Variants in MGMT observed in about 807,000 individuals in gnomAD.
MGMT encodes the protein methylated-DNA--protein-cysteine methyltransferase.
Under a neutral mutation model 15.9 loss-of-function variants are expected in MGMT, and 14 were observed. That is an observed-to-expected ratio of 0.88 (90% CI 0.58 to 1.37). MGMT has a LOEUF of 1.37. Among genes scored for constraint, MGMT ranks in the 40% most tolerant of loss-of-function variants. MGMT has a pLI of 0.00. For missense variants in MGMT, 282 were observed against 268.1 expected (o/e 1.05, Z -0.36); for synonymous variants, 130 against 118.2 (o/e 1.10, Z -0.65).
In MGMT at chr10:129,770,427, A is replaced by G. The variant is rs1848987592; in HGVS notation, c.*3430A>G. Among the ~76,000 whole-genome samples, 1 of 152,174 alleles carries G rather than the reference A, an allele frequency of 6.6e-6. No individual in the cohort carries two copies. The highest frequency in any genetic ancestry group is 1.5e-5 in the Non-Finnish European group (1 of 68,024). Reference sequence around the variant, plus strand: ...GAAATGCATTTACGGATGTTGCTGTATCCCCTGACCTGGCCTACAAGGACA... The same window carrying G: ...GAAATGCATTTACGGATGTTGCTGTGTCCCCTGACCTGGCCTACAAGGACA... On this transcript the variant is annotated 3_prime_UTR_variant, in exon 5 of 5. Coordinates refer to ENST00000651593, the MANE Select transcript of MGMT (RefSeq NM_002412.5).
intron 1 of MGMT, among the ~76,000 whole-genome samples, chr10:129,489,333 C>G (rs899493301): frequency 7.7e-6 from 1 of 129,546 alleles, no homozygotes; most frequent in Non-Finnish European, 1.5e-5. Flanking sequence ...GCACTCCAGC[C>G]TGGGTGACAG....
intron 2 of MGMT, among the ~76,000 whole-genome samples, chr10:129,685,471 C>T (rs1386444382): frequency 6.6e-6 from 1 of 152,282 alleles, no homozygotes; most frequent in African/African-American, 2.4e-5. Flanking sequence ...CTCCTGGCCT[C>T]CTCGACCCTC....
At chr10:129,568,545 A>G (rs987912933) in intron 2 of MGMT, among the ~76,000 whole-genome samples, 2 of 152,204 alleles carry the variant, frequency 1.3e-5, no homozygotes, top group Non-Finnish European at 2.9e-5. Flanking sequence ...AAAACACACA[A>G]TAGAATTTCT....
At chr10:129,741,943 T>C (rs1848638244) in intron 3 of MGMT, among the ~76,000 whole-genome samples, 1 of 152,196 alleles carries the variant, frequency 6.6e-6, no homozygotes, top group African/African-American at 2.4e-5. Context: ...AGCCTAGTGC[T>C]CCTTTCTAAA....
chr10:129,595,747 A>G (rs1469106814), intron 2 of MGMT, among the ~76,000 whole-genome samples: 2 of 152,174 alleles, frequency 1.3e-5, no homozygotes, highest in Non-Finnish European at 2.9e-5. Flanking sequence ...CAGGCTTTCA[A>G]GGTGACTTAA....
chr10:129,639,777 A>G (rs978025275), intron 2 of MGMT, among the ~76,000 whole-genome samples: 1 of 152,146 alleles, frequency 6.6e-6, no homozygotes, highest in African/African-American at 2.4e-5. Context: ...GAAAACAGAA[A>G]AGTAAGAGCA....
chr10:129,509,506 C>G (rs1172266752), intron 1 of MGMT, among the ~76,000 whole-genome samples: 1 of 152,192 alleles, frequency 6.6e-6, no homozygotes, highest in Non-Finnish European at 1.5e-5. Flanking sequence ...TGGAAAATAG[C>G]TTACAGTAAT....
chr10:129,528,691 G>A (rs1845897286), intron 1 of MGMT, among the ~76,000 whole-genome samples: 1 of 151,754 alleles, frequency 6.6e-6, no homozygotes, highest in African/African-American at 2.4e-5. Flanking sequence ...AGCTGCGGTG[G>A]TGGAGTAGCT....
At chr10:129,545,791 C>T (rs1439195437) in intron 2 of MGMT, among the ~76,000 whole-genome samples, 1 of 152,168 alleles carries the variant, frequency 6.6e-6, no homozygotes, top group East Asian at 1.9e-4. Context: ...GAATAGTTTT[C>T]AGTTTTGTTT....
chr10:129,476,004 GT>G (rs11315533), intron 1 of MGMT, among the ~76,000 whole-genome samples: 10,965 of 152,270 alleles, frequency 0.072, 579 homozygotes, highest in East Asian at 0.29. Context: ...AAATGGGGAT[GT>G]CCCAGGCAGA....
At chr10:129,682,477 G>A (rs1847863666) in intron 2 of MGMT, among the ~76,000 whole-genome samples, 1 of 151,922 alleles carries the variant, frequency 6.6e-6, no homozygotes, top group Non-Finnish European at 1.5e-5. Flanking sequence ...AACAGAGACT[G>A]GGGACAGATG....
intron 2 of MGMT, among the ~76,000 whole-genome samples, chr10:129,578,310 T>G (rs1422137106): frequency 2.0e-5 from 3 of 152,096 alleles, no homozygotes; most frequent in African/African-American, 7.2e-5. Flanking sequence ...TAGACTGGAT[T>G]AAGAAAATGT....
At chr10:129,747,828 T>C (rs1003103901) in intron 3 of MGMT, among the ~76,000 whole-genome samples, 10 of 152,210 alleles carry the variant, frequency 6.6e-5, no homozygotes, top group African/African-American at 2.4e-4. Flanking sequence ...GCCTAGACAG[T>C]GTTAAGGAGT....
intron 3 of MGMT, among the ~76,000 whole-genome samples, chr10:129,755,673 G>C (rs1342556601): frequency 6.6e-6 from 1 of 152,254 alleles, no homozygotes; most frequent in Non-Finnish European, 1.5e-5. Context: ...CCAGGAAAGA[G>C]AGCCTCAGTG....
At chr10:129,696,880 G>A (rs1848038821) in intron 2 of MGMT, among the ~76,000 whole-genome samples, 1 of 152,220 alleles carries the variant, frequency 6.6e-6, no homozygotes, top group Non-Finnish European at 1.5e-5. Context: ...TGAGTGCAGT[G>A]TTGTGGCCTG....
chr10:129,589,956 C>A (rs1846663337), intron 2 of MGMT, among the ~76,000 whole-genome samples: 2 of 152,162 alleles, frequency 1.3e-5, no homozygotes. Flanking sequence ...CTGGAGATGG[C>A]CCAGGAAGCC....
At chr10:129,468,237 C>G (rs541223254) in intron 1 of MGMT, among the ~76,000 whole-genome samples, 1 of 152,282 alleles carries the variant, frequency 6.6e-6, no homozygotes, top group African/African-American at 2.4e-5. Flanking sequence ...TCAGGGCCCT[C>G]TCAATGGCTA....
In MGMT at chr10:129,768,881, C is replaced by A. The variant is rs562893976; in HGVS notation, c.*1884C>A. 1 of 152,324 alleles carries A rather than the reference C, an allele frequency of 6.6e-6. No homozygotes were observed. The highest frequency in any genetic ancestry group is 1.5e-5 in the Non-Finnish European group (1 of 68,108). The allele number at this position is 152,324 out of a possible 1,614,324, so 9.4% of individuals were successfully genotyped here. ...CCACACCTGGACCGGCAGGCATGCA[C>A]GCTGCAGGCAGGCTGCCTCCGCTGT... On this transcript the variant is annotated 3_prime_UTR_variant, in exon 5 of 5. Coordinates refer to ENST00000651593, the MANE Select transcript of MGMT (RefSeq NM_002412.5).
At chr10:129,642,983 G>A (rs539326836) in intron 2 of MGMT, among the ~76,000 whole-genome samples, 14 of 152,312 alleles carry the variant, frequency 9.2e-5, no homozygotes, top group African/African-American at 3.4e-4. Context: ...GGAAGCATAG[G>A]TGATGCACCT....
Sources: allele counts gnomAD v4.1 joint callset (sites outside exome capture counted in the v4.1 genomes callset), GRCh38; gene constraint gnomAD v4.1.1; transcripts MANE v1.5; gene names NCBI Gene and HGNC (gene_info 2026-07-23, HGNC 2026-07-21).